PRPF40B: variants seen among roughly 807,000 people sequenced by gnomAD.
The protein encoded by PRPF40B is pre-mRNA-processing factor 40 homolog B.
A neutral mutation model predicts 124.5 loss-of-function variants in PRPF40B; 56 were observed. That is an observed-to-expected ratio of 0.45 (90% CI 0.36 to 0.56). The LOEUF (loss-of-function observed/expected upper bound fraction) is 0.56, where lower values mean the gene tolerates loss of function less well. Ranked by LOEUF, PRPF40B falls within the 20% of genes least tolerant of loss-of-function variation. PRPF40B has a pLI of 0.00. For synonymous variants in PRPF40B, 443 were observed against 426.4 expected, an observed-to-expected ratio of 1.04 and a Z score of -0.48; for missense variants, 1,053 against 1,169.5, an observed-to-expected ratio of 0.90 and a Z score of 1.45.
chr12:49,643,032 G>A lies in PRPF40B; in HGVS notation c.2205+16G>A. On this transcript the variant is annotated intron_variant, in intron 22 of 25. Transcript: ENST00000548825. ...CTCACCCTCAGTGAGTAAGCGTGTA[G>A]AAGGGACATGGGGTGAAGCTGGGTT... 1 of 1,612,688 alleles carries A rather than the reference G, an allele frequency of 6.2e-7. No homozygotes were observed. Among genetic ancestry groups the A allele is most frequent in the South Asian group, 1.1e-5 (1 of 90,926 alleles).
chr12:49,636,923 C>A (rs560424980), intron 16 of PRPF40B, 74 bp downstream of exon 16: 638 of 1,600,434 alleles, frequency 4.0e-4, no homozygotes, highest in Non-Finnish European at 4.9e-4. Context: ...ATTCCCTGCC[C>A]CCTTCTGGAT....
intron 1 of PRPF40B, chr12:49,624,280 T>C: frequency 1.6e-6 from 1 of 639,184 alleles, no homozygotes; most frequent in Non-Finnish European, 1.9e-6. Flanking sequence ...GAATAGGTTT[T>C]TGAGGAGGAA....
Position 49,632,738 on chromosome 12 carries a change from TG to T in PRPF40B, c.323-114del, listed in dbSNP as rs2138461006. The T allele has an allele frequency of 5.6e-6, 9 of 1,596,276 alleles. No homozygotes were observed. In the East Asian group the frequency reaches 1.8e-4, roughly 32 times the overall value. ...ATGCCTGTTGGGATGCCAAGGAGTC[TG>T]GGATATTGATGGGACCAGGGGACTA... On this transcript the variant is annotated intron_variant, in intron 5 of 25. Transcript: ENST00000548825.
At position 49,642,749 on chromosome 12, in the gene PRPF40B, G is replaced by A. The variant is rs79992759; in HGVS notation, c.2118+74G>A. 5,799 of 1,518,488 alleles carry A rather than the reference G, an allele frequency of 3.8e-3. 196 individuals are homozygous for A. The African/African-American group carries it at 0.071, about 19-fold the overall frequency. 94.1% of individuals were successfully genotyped at this position (1,518,488 alleles called of 1,614,324 possible). The stretch of plus-strand genomic sequence containing the variant: ...AGACCAGTTCAACAGAGACCTCAGT[G>A]GCCTCCCTCTTACCCTTAGGGCACT... On this transcript the variant is annotated intron_variant, in intron 21 of 25. Transcript: ENST00000548825. The surrounding 1 kb of genome is among the most constrained non-coding windows in gnomAD (Gnocchi z 5.8).
rs374541693 is a variant in PRPF40B, at chr12:49,642,684, G to A, written c.2118+9G>A. 1.1e-4 allele frequency: 174 copies of A among 1,612,978 alleles called. No individual in the cohort carries two copies. In the African/African-American group the frequency reaches 1.6e-3, roughly 15 times the overall value. On this transcript the variant is annotated intron_variant, in intron 21 of 25. Transcript: ENST00000548825. This position sits in a 1 kb window ranked among gnomAD's most constrained non-coding sequence, Gnocchi z 5.8. ...TCCTACAGGTGCTGGAGGTGAGGCAGGCTTGTCCTCTGGATCTGCCTCAGG... is the reference window on the plus strand; with the variant it reads ...TCCTACAGGTGCTGGAGGTGAGGCAAGCTTGTCCTCTGGATCTGCCTCAGG...
rs561353855 is a variant in PRPF40B at position 49,636,835 on chromosome 12, C to A, written c.1546C>A (p.Arg516=). 2.5e-6 allele frequency: 4 copies of A among 1,614,022 alleles called. No homozygotes were observed. In the African/African-American group the frequency reaches 4.0e-5, roughly 16 times the overall value. ...LRERRQQRKN[R]EAFQTFLDEL... ...GGAGCGACGCCAACAACGCAAGAAT[C>A]GGGAGGCCTTCCAGGTATCTTTGCT... Residue 516 remains arginine, a synonymous_variant, in exon 16 of 26, where the codon CGG becomes AGG. Transcript: ENST00000548825.
chr12:49,624,949 TG>T (rs903490409), intron 1 of PRPF40B, among the ~76,000 whole-genome samples: 1 of 151,430 alleles, frequency 6.6e-6, no homozygotes, highest in Non-Finnish European at 1.5e-5. Context: ...GAAACTAGGA[TG>T]GTCTTTGAAA....
intron 24 of PRPF40B, 43 bp downstream of exon 24, chr12:49,643,795 G>C (rs1445630259): frequency 1.9e-6 from 3 of 1,613,750 alleles, no homozygotes; most frequent in Admixed American, 1.7e-5. Flanking sequence ...TATTTTGTGA[G>C]TTCTGTTCTA....
At chr12:49,634,941 T>G (rs1373621513) in intron 12 of PRPF40B, 158 bp from the exon 13 acceptor site, 1 of 791,318 alleles carries the variant, frequency 1.3e-6, no homozygotes, top group Non-Finnish European at 2.0e-6. Flanking sequence ...CCTCACTTCC[T>G]GTCACCCCTA....
intron 18 of PRPF40B, chr12:49,639,622 A>G (rs1942326600): frequency 6.6e-6 from 1 of 152,162 alleles, no homozygotes; most frequent in Admixed American, 6.5e-5. Context: ...AGCAGCTTGA[A>G]TCTTTTTTAT....
chr12:49,643,368 G>C lies in PRPF40B; in HGVS notation c.2351G>C (p.Gly784Ala), dbSNP rs1045189056. Residue 784 changes from glycine to alanine, a missense_variant, in exon 23 of 26, where the codon GGC (glycine) becomes GCC (alanine). Gly to Ala is a moderately conservative substitution (Grantham distance 60). Transcript: ENST00000548825. ...ESGGAALGGR[G>A]SPSSHLLGAD... ...GGGGGTGCTGCCCTTGGAGGACGGG[G>C]CTCCCCTTCCTCCCATCTTCTTGGA... The C allele has an allele frequency of 1.1e-5, 17 of 1,578,402 alleles. No individual in the cohort carries two copies. The highest frequency in any genetic ancestry group is 5.6e-5 in the Admixed American group (3 of 53,426).
At position 49,642,347 on chromosome 12, in the gene PRPF40B, T is replaced by G; in HGVS notation, c.1997T>G (p.Leu666Arg). The change falls in exon 20 of 26, where the codon CTG becomes CGG. Residue 666 changes from leucine to arginine, a missense_variant. Transcript: ENST00000548825. The surrounding 1 kb of genome is among the most constrained non-coding windows in gnomAD (Gnocchi z 5.8). ...ATGCTGAGGCAGGCTGTGCCTGCTC[T>G]GGAGCTAGGCACTGCCTGGGAAGAG... The part of the protein sequence containing the change: ...RSMLRQAVPA[L>R]ELGTAWEEVR... The G allele has an allele frequency of 1.9e-6, 3 of 1,613,942 alleles. No individual in the cohort carries two copies. The highest frequency in any genetic ancestry group is 2.5e-6 in the Non-Finnish European group (3 of 1,180,014).
At chr12:49,632,473 C>T (rs189171674) in intron 4 of PRPF40B, 123 bp from the exon 5 acceptor site, 3 of 1,053,040 alleles carry the variant, frequency 2.8e-6, no homozygotes, top group East Asian at 2.4e-5. Context: ...TGTTAGGGAG[C>T]AGAGATCTCT....
At position 49,632,996 on chromosome 12, in the gene PRPF40B, G is replaced by GGGGGGGGGC; in HGVS notation, c.349-18_349-17insGGGGGGGGC. 2.3e-5 allele frequency: 26 copies of GGGGGGGGGC among 1,147,310 alleles called. No individual in the cohort carries two copies. Among genetic ancestry groups the GGGGGGGGGC allele is most frequent in the African/African-American group, 3.5e-5 (2 of 57,782 alleles). 71.1% of individuals were successfully genotyped at this position (1,147,310 alleles called of 1,614,324 possible). ...AAAGGGGCCTTGACCACCATTCTGT[G>GGGGGGGGGC]CCCCCCCCCCCACCCAGAGGGCCCT... On this transcript the variant is annotated splice_polypyrimidine_tract_variant and intron_variant, in intron 6 of 25. Coordinates refer to ENST00000548825, the MANE Select transcript of PRPF40B (RefSeq NM_001031698.3).
At chr12:49,623,500 C>T, upstream of PRPF40B, 1 of 1,222,962 alleles carries the variant, frequency 8.2e-7, no homozygotes, top group Non-Finnish European at 1.0e-6. Context: ...GACCCCCCGC[C>T]GGCCCCGCCC....
At chr12:49,639,378 G>A (rs1942287759) in intron 18 of PRPF40B, 2 of 152,274 alleles carry the variant, frequency 1.3e-5, no homozygotes, top group South Asian at 2.1e-4. Context: ...TAGATGCTAG[G>A]AGCTGGGTTA....
chr12:49,642,531 C>A lies in PRPF40B; in HGVS notation c.2023-49C>A. On this transcript the variant is annotated intron_variant, in intron 20 of 25. Transcript: ENST00000548825. This position sits in a 1 kb window ranked among gnomAD's most constrained non-coding sequence, Gnocchi z 5.8. ...CCCTGTGCTCATGGCGGTGTCCAGG[C>A]CAGGCTGAGTGGGGCCTAGTCTGAT... 6.2e-7 allele frequency: 1 copy of A among 1,604,168 alleles called. No homozygotes were observed. Among genetic ancestry groups the A allele is most frequent in the African/African-American group, 1.3e-5 (1 of 74,844 alleles).
intron 1 of PRPF40B, among the ~76,000 whole-genome samples, chr12:49,626,922 C>T (rs748217900): frequency 6.6e-6 from 1 of 152,136 alleles, no homozygotes; most frequent in Non-Finnish European, 1.5e-5. Context: ...AGGGGGATAC[C>T]TTGGGTGACT....
Position 49,643,277 on chromosome 12 carries a change from C to T in PRPF40B, c.2260C>T (p.Arg754Trp), listed in dbSNP as rs200775632. 55 of 1,613,828 alleles carry T rather than the reference C, an allele frequency of 3.4e-5. No individual in the cohort carries two copies. Among genetic ancestry groups the T allele is most frequent in the Admixed American group, 5.0e-5 (3 of 59,930 alleles). ...CCCACCATCTCTCCGGCCCCCCAAG[C>T]GGAGGAGGCGGAACCCCTCAGAGTC... The part of the protein sequence containing the change: ...LPPPSLRPPK[R>W]RRRNPSESGS... Residue 754 changes from arginine to tryptophan, a missense_variant, in exon 23 of 26, where the codon CGG (arginine) becomes TGG (tryptophan). By Grantham distance (101) the Arg-to-Trp change is moderately radical (BLOSUM62 -3). Transcript: ENST00000548825.
Sources: allele counts gnomAD v4.1 joint callset (sites outside exome capture counted in the v4.1 genomes callset), GRCh38; gene constraint gnomAD v4.1.1; non-coding constraint Gnocchi (gnomAD v3.1); transcripts MANE v1.5; gene names NCBI Gene and HGNC (gene_info 2026-07-23, HGNC 2026-07-21).